Variants in DPH7 observed in about 807,000 individuals in gnomAD.
DPH7 encodes the protein diphthine methyltransferase.
DPH7 carries 44 observed loss-of-function variants against 41.7 expected under a neutral mutation model. The ratio of observed to expected loss-of-function variants is 1.05; its 90% CI spans 0.83 to 1.36. The LOEUF is 1.36. Among genes scored for constraint, DPH7 ranks in the 40% most tolerant of loss-of-function variants. The pLI, the probability that DPH7 is intolerant of heterozygous loss-of-function variation, is 0.00. For missense variants in DPH7, 629 were observed against 577.5 expected, an observed-to-expected ratio of 1.09 and a Z score of -0.91; for synonymous variants, 275 against 238.0, an observed-to-expected ratio of 1.16 and a Z score of -1.43.
intron 3 of DPH7, chr9:137,575,127 C>T: frequency 1.7e-6 from 2 of 1,164,998 alleles, no homozygotes; most frequent in African/African-American, 1.6e-5. Context: ...CCCTTGCCAT[C>T]CTTGCGCTCC....
intron 8 of DPH7, 31 bp downstream of exon 8, chr9:137,564,403 T>C (rs1839176370): frequency 6.3e-7 from 1 of 1,596,686 alleles, no homozygotes; most frequent in Non-Finnish European, 8.6e-7. Flanking sequence ...TGCCCTGCCC[T>C]GAGGCCCAGC....
chr9:137,577,801 A>G (rs1238924718), intron 1 of DPH7, among the ~76,000 whole-genome samples, 198 bp from the exon 2 acceptor site: 1 of 152,242 alleles, frequency 6.6e-6, no homozygotes, highest in Non-Finnish European at 1.5e-5. Context: ...CCAGTAGAGA[A>G]GGCTCCTTCT....
In DPH7 at chr9:137,555,437, C is replaced by T. The variant is rs1837311845; in HGVS notation, c.1161G>A (p.Glu387=). 1 of 1,614,002 alleles carries T rather than the reference C, an allele frequency of 6.2e-7. No individual in the cohort carries two copies. Among genetic ancestry groups the T allele is most frequent in the Non-Finnish European group, 8.5e-7 (1 of 1,180,002 alleles). Residue 387 remains glutamate (E), a synonymous_variant, in exon 9 of 9, where the codon GAG becomes GAA. Transcript: ENST00000277540. ...TTCCACTCTGGGGTCTGGCATGGCC[C>T]TCCCCATCGTTATCCTCTCTGCATT... ...CHECREDNDG[E]GHARPQSGMK...
At chr9:137,563,766 G>A (rs961723532) in intron 8 of DPH7, among the ~76,000 whole-genome samples, 1 of 152,130 alleles carries the variant, frequency 6.6e-6, no homozygotes, top group African/African-American at 2.4e-5. Context: ...AGGCGAAAGA[G>A]GAGAGATCAT....
At position 137,578,566 on chromosome 9, in the gene DPH7, T is replaced by C. The variant is rs552664061; in HGVS notation, c.153+59A>G. The C allele has an allele frequency of 2.1e-6, 3 of 1,409,752 alleles. No individual in the cohort carries two copies. In the African/African-American group the frequency reaches 4.5e-5, roughly 21 times the overall value. 87.3% of individuals were successfully genotyped at this position (1,409,752 alleles called of 1,614,324 possible). The stretch of plus-strand genomic sequence containing the variant: ...ATCTCCTGGGCGATTCGGTGCGCCT[T>C]TCGGCCTCAACCTCGTGGCCGGCCC... On this transcript the variant is annotated intron_variant, in intron 1 of 8. Transcript: ENST00000277540.
chr9:137,565,039 C>T lies in DPH7; in HGVS notation c.710+46G>A, dbSNP rs776006351. ...ACGGGAGGGCTGGTGACCCAGGGAA[C>T]GCGGGGGCTGGTGTGGGCACCGAGT... is the stretch of plus-strand genomic sequence containing the variant. On this transcript the variant is annotated intron_variant, in intron 6 of 8. Transcript: ENST00000277540. The T allele has an allele frequency of 1.1e-5, 17 of 1,612,780 alleles. No homozygotes were observed. In the African/African-American group the frequency reaches 1.2e-4, roughly 11 times the overall value.
At position 137,564,546 on chromosome 9, in the gene DPH7, C is replaced by T. The variant is rs751150227; in HGVS notation, c.837G>A (p.Thr279=). ...TRNMKQPLAD[T]PVQGGVWRIK... The stretch of plus-strand genomic sequence containing the variant: ...TTCTCCATACCCCACCCTGCACAGG[C>T]GTATCTGCCAACGGCTGCTTCATGT... The change falls in exon 8 of 9, where the codon ACG becomes ACA. Residue 279 remains threonine (T), a synonymous_variant. Coordinates refer to ENST00000277540, the MANE Select transcript of DPH7 (RefSeq NM_138778.5). 76 of 1,613,994 alleles carry T rather than the reference C, an allele frequency of 4.7e-5. No homozygotes were observed. The highest frequency in any genetic ancestry group is 2.9e-4 in the African/African-American group (22 of 74,922).
In DPH7 at chr9:137,577,531, AGTT is replaced by A. The variant is rs1228057167; in HGVS notation, c.223_225del (p.Asn75del). ...TGGACCTCGACCAGAGGGTGAATAG[AGTT>A]GTTGTCATTGAAACTGTACAGGAAG... On this transcript the variant is annotated inframe_deletion, in exon 2 of 9. Coordinates refer to ENST00000277540, the MANE Select transcript of DPH7 (RefSeq NM_138778.5). 1.2e-6 allele frequency: 2 copies of A among 1,614,046 alleles called. No individual in the cohort carries two copies. Among genetic ancestry groups the A allele is most frequent in the Admixed American group, 1.7e-5 (1 of 60,016 alleles).
At position 137,578,641 on chromosome 9, in the gene DPH7, G is replaced by T; in HGVS notation, c.137C>A (p.Ala46Asp). Residue 46 changes from alanine to aspartate, a missense_variant, in exon 1 of 9, where the codon GCC becomes GAC. By Grantham distance (126) the Ala-to-Asp change is moderately radical. Transcript: ENST00000277540. ...YQLRRPEDRP[A>D]GPQNKGGMEV... ...CGCGCGCACCTTGTTCTGGGGGCCG[G>T]CAGGCCGGTCCTCCGGCCGCCGCAG... The T allele has an allele frequency of 1.3e-6, 2 of 1,512,570 alleles. No homozygotes were observed. Among genetic ancestry groups the T allele is most frequent in the Non-Finnish European group, 8.8e-7 (1 of 1,135,388 alleles). 93.7% of individuals were successfully genotyped at this position (1,512,570 alleles called of 1,614,324 possible).
chr9:137,577,375 T>C (rs1841591764), intron 2 of DPH7, 95 bp downstream of exon 2: 4 of 1,258,012 alleles, frequency 3.2e-6, no homozygotes, highest in East Asian at 2.4e-5. Context: ...AAAGTTGAGA[T>C]GCAATGCCTG....
intron 5 of DPH7, among the ~76,000 whole-genome samples, chr9:137,572,281 A>G (rs1390086848): frequency 6.6e-6 from 1 of 152,238 alleles, no homozygotes; most frequent in African/African-American, 2.4e-5. Context: ...GGACTATTTC[A>G]GGAAAAGGTG....
chr9:137,556,617 G>A lies in DPH7; in HGVS notation c.950-969C>T. 1 of 345,690 alleles carries A rather than the reference G, an allele frequency of 2.9e-6. No homozygotes were observed. Among genetic ancestry groups the A allele is most frequent in the South Asian group, 2.1e-5 (1 of 46,634 alleles). The allele number at this position is 345,690 out of a possible 1,614,324, so 21.4% of individuals were successfully genotyped here. A position where few individuals can be genotyped will look rare whatever the true frequency, so the allele number is the denominator to read the frequency against. On this transcript the variant is annotated intron_variant, in intron 8 of 8. Transcript: ENST00000277540. This position sits in a 1 kb window ranked among gnomAD's most constrained non-coding sequence, Gnocchi z 5.2. ...ACTGGGCAGAGGTGGCTCCGAGGAG[G>A]AGTGAGATGCTGAATGTTCAGAGAC... is the stretch of plus-strand genomic sequence containing the variant.
At chr9:137,576,628 C>A (rs552871204) in intron 2 of DPH7, among the ~76,000 whole-genome samples, 301 of 152,258 alleles carry the variant, frequency 2.0e-3, no homozygotes, top group Non-Finnish European at 3.5e-3. Context: ...TCGTGGCTCA[C>A]GCCTGTAATC....
At chr9:137,555,867 A>C (rs1425577035) in intron 8 of DPH7, among the ~76,000 whole-genome samples, 1 of 152,218 alleles carries the variant, frequency 6.6e-6, no homozygotes, top group Non-Finnish European at 1.5e-5. Flanking sequence ...GTGTGCCTCC[A>C]AGAGAAGCAT....
chr9:137,574,585 G>A (rs998879612), intron 4 of DPH7, 167 bp downstream of exon 4: 2 of 838,928 alleles, frequency 2.4e-6, no homozygotes, highest in East Asian at 2.5e-5. Flanking sequence ...CTATCGCTAT[G>A]TATCTAAAAT....
At chr9:137,574,477 T>C (rs548173363) in intron 4 of DPH7, 97 bp from the exon 5 acceptor site, 3 of 1,321,956 alleles carry the variant, frequency 2.3e-6, no homozygotes, top group Admixed American at 2.1e-5. Flanking sequence ...TCCACAGCCC[T>C]GGGATGCGGA....
Position 137,556,535 on chromosome 9 carries a change from G to A in DPH7, c.950-887C>T, listed in dbSNP as rs991603450. On this transcript the variant is annotated intron_variant, in intron 8 of 8. Coordinates refer to ENST00000277540, the MANE Select transcript of DPH7 (RefSeq NM_138778.5). This position sits in a 1 kb window ranked among gnomAD's most constrained non-coding sequence, Gnocchi z 5.2. ...ACAGGACCGCACTGGATTACAAAAC[G>A]TGCCGAGGTTGTATGGGCCTGGGCC... The A allele has an allele frequency of 1.4e-5, 4 of 288,290 alleles. No individual in the cohort carries two copies. Among genetic ancestry groups the A allele is most frequent in the African/African-American group, 6.7e-5 (3 of 44,686 alleles). The allele number at this position is 288,290 out of a possible 1,614,324, so 17.9% of individuals were successfully genotyped here. A position where few individuals can be genotyped will look rare whatever the true frequency, so the allele number is the denominator to read the frequency against.
At chr9:137,561,597 A>T (rs1838615184) in intron 8 of DPH7, among the ~76,000 whole-genome samples, 2 of 151,420 alleles carry the variant, frequency 1.3e-5, no homozygotes, top group Admixed American at 1.3e-4. Context: ...CCTCAGACTC[A>T]GGTGTGAACT....
In DPH7 at chr9:137,578,871, G is replaced by A. The variant is rs1290805125; in HGVS notation, c.-94C>T. ...CGGGGCGGCGAGGCCGGGGCCGGCC[G>A]GACGAGCGCAGAGCCCCAGGGACAC... On this transcript the variant is annotated 5_prime_UTR_variant, in exon 1 of 9. Transcript: ENST00000277540. The A allele has an allele frequency of 6.3e-6, 8 of 1,275,028 alleles. No individual in the cohort carries two copies. Among genetic ancestry groups the A allele is most frequent in the Non-Finnish European group, 6.0e-6 (6 of 995,462 alleles). The allele number at this position is 1,275,028 out of a possible 1,614,324, so 79.0% of individuals were successfully genotyped here.
Sources: gnomAD v4.1 joint callset for allele counts (sites outside exome capture counted in the v4.1 genomes callset) on GRCh38, gnomAD v4.1.1 for gene constraint, Gnocchi (gnomAD v3.1) non-coding constraint, MANE v1.5 for transcripts, NCBI Gene and HGNC (gene_info 2026-07-23, HGNC 2026-07-21) for gene names.